The following STXBP5L variants were observed in gnomAD, a reference collection of about 807,000 sequenced individuals.
STXBP5L encodes the protein syntaxin binding protein 5L.
STXBP5L carries 65 observed loss-of-function variants against 144.5 expected under a neutral mutation model. The ratio of observed to expected loss-of-function variants is 0.45; its 90% confidence interval spans 0.37 to 0.55. The LOEUF (loss-of-function observed/expected upper bound fraction) is 0.55. Among genes scored for constraint, STXBP5L ranks in the 20% least tolerant of loss-of-function variants. The probability of loss-of-function intolerance (pLI) is 0.00; values close to 1 mark genes in which losing one functional copy is unlikely to be tolerated. For synonymous variants in STXBP5L, 505 were observed against 469.6 expected (o/e 1.08, Z -0.97); for missense variants, 1,298 against 1,405.5 (o/e 0.92, Z 1.22).
chr3:121,182,912 CA>C (rs2047218516), intron 9 of STXBP5L, among the ~76,000 whole-genome samples: 1 of 152,144 alleles, frequency 6.6e-6, no homozygotes, highest in African/African-American at 2.4e-5. Flanking sequence ...AAATCCTTAA[CA>C]AAATACTAGC....
At chr3:121,121,441 CATAA>C (rs1378643393) in intron 6 of STXBP5L, among the ~76,000 whole-genome samples, 196 bp from the exon 7 acceptor site, 2 of 151,202 alleles carry the variant, frequency 1.3e-5, no homozygotes, top group African/African-American at 4.8e-5. Flanking sequence ...TAAAGAAAAA[CATAA>C]ATAAGTAGTT....
chr3:121,252,890 A>C (rs752108135), intron 15 of STXBP5L, among the ~76,000 whole-genome samples: 4 of 152,114 alleles, frequency 2.6e-5, no homozygotes, highest in Non-Finnish European at 5.9e-5. Flanking sequence ...TTCCAAGCTT[A>C]TGTAATCGTT....
intron 2 of STXBP5L, among the ~76,000 whole-genome samples, chr3:120,928,934 T>G: frequency 6.6e-6 from 1 of 152,134 alleles, no homozygotes; most frequent in East Asian, 1.9e-4. Flanking sequence ...GATTTTGCTG[T>G]GGCAAAACCC....
intron 6 of STXBP5L, among the ~76,000 whole-genome samples, chr3:121,118,022 T>C (rs1046539351): frequency 2.0e-5 from 3 of 151,746 alleles, no homozygotes; most frequent in African/African-American, 7.2e-5. Flanking sequence ...CCACATATGA[T>C]TAAAATTTGA....
At chr3:121,114,738 A>G (rs1474735862) in intron 5 of STXBP5L, among the ~76,000 whole-genome samples, 187 bp from the exon 6 acceptor site, 1 of 152,134 alleles carries the variant, frequency 6.6e-6, no homozygotes, top group Admixed American at 6.5e-5. Context: ...GTGCTTATTA[A>G]CATTATTGTT....
At chr3:121,094,824 G>A (rs993945636) in intron 5 of STXBP5L, among the ~76,000 whole-genome samples, 1 of 151,624 alleles carries the variant, frequency 6.6e-6, no homozygotes, top group African/African-American at 2.4e-5. Context: ...TATGATGTTA[G>A]GTGGTTATTT....
intron 9 of STXBP5L, among the ~76,000 whole-genome samples, chr3:121,173,405 TTTAAA>T (rs1388485064): frequency 3.6e-4 from 55 of 151,604 alleles, no homozygotes; most frequent in African/African-American, 9.4e-4. Flanking sequence ...CTGGACAAAC[TTTAAA>T]TTAACAACTT....
Position 121,036,014 on chromosome 3 carries a change from G to A in STXBP5L, c.288-5686G>A, listed in dbSNP as rs951051847. Among the ~76,000 whole-genome samples, 6 of 152,110 alleles carry A rather than the reference G, an allele frequency of 3.9e-5. No individual in the cohort carries two copies. The East Asian group carries it at 9.7e-4, about 24-fold the overall frequency. ...TTTTCTTAATATATAATTGGTCTTT[G>A]CTAGTAGATAGAATTACAATTTATT... On this transcript the variant is annotated intron_variant, in intron 3 of 26. Transcript: ENST00000471454.
chr3:120,948,757 G>C (rs1388793614), intron 2 of STXBP5L, among the ~76,000 whole-genome samples: 2 of 151,842 alleles, frequency 1.3e-5, no homozygotes, highest in East Asian at 1.9e-4. Flanking sequence ...TGACAGAGTA[G>C]TATTTTACGG....
rs1272368617 is a variant in STXBP5L at position 121,239,105 on chromosome 3, G to A, written c.1319G>A (p.Gly440Glu). ...ATAGGAGTCAAGCATAAAAAACAAG[G>A]ATACAGTAATAAGGTAAAAGTAGAA... ...YSIGVKHKKQ[G>E]YSNKEWPISG... is the part of the protein sequence containing the mutation. Residue 440 changes from glycine to glutamate, a missense_variant, in exon 13 of 27, where the codon GGA (glycine) becomes GAA (glutamate). Physicochemically the swap from Gly to Glu is moderately conservative, Grantham distance 98. Coordinates refer to ENST00000471454, the MANE Select transcript of STXBP5L (RefSeq NM_001308330.2). 6.4e-7 allele frequency: 1 copy of A among 1,558,464 alleles called. No homozygotes were observed. Among genetic ancestry groups the A allele is most frequent in the Non-Finnish European group, 8.7e-7 (1 of 1,150,182 alleles).
chr3:121,135,559 G>A (rs2045212090), intron 7 of STXBP5L, among the ~76,000 whole-genome samples: 1 of 152,190 alleles, frequency 6.6e-6, no homozygotes, highest in African/African-American at 2.4e-5. Context: ...CTCACAAGGA[G>A]CATGCAACCT....
chr3:121,323,941 ATGT>A (rs145943191), intron 20 of STXBP5L, among the ~76,000 whole-genome samples: 2,499 of 152,198 alleles, frequency 0.016, 58 homozygotes, highest in African/African-American at 0.056. Context: ...GTCTTTCTAA[ATGT>A]TGTTTGTTTT....
intron 14 of STXBP5L, among the ~76,000 whole-genome samples, chr3:121,250,239 T>C (rs1045176040): frequency 6.6e-6 from 1 of 152,060 alleles, no homozygotes; most frequent in Non-Finnish European, 1.5e-5. Flanking sequence ...CTTCTTCTAT[T>C]TTCTCGATGA....
At chr3:121,367,509 C>T (rs1034013814) in intron 20 of STXBP5L, among the ~76,000 whole-genome samples, 1 of 149,898 alleles carries the variant, frequency 6.7e-6, no homozygotes, top group African/African-American at 2.5e-5. Flanking sequence ...CAAGGATATG[C>T]TGATTATCTT....
chr3:121,305,663 G>T (rs906332500), intron 19 of STXBP5L, among the ~76,000 whole-genome samples: 1 of 151,926 alleles, frequency 6.6e-6, no homozygotes, highest in Non-Finnish European at 1.5e-5. Context: ...AGAATAAACC[G>T]TACTAAGAAA....
chr3:121,046,776 C>T (rs187837813), intron 5 of STXBP5L, among the ~76,000 whole-genome samples: 61 of 151,770 alleles, frequency 4.0e-4, no homozygotes, highest in African/African-American at 1.4e-3. Context: ...AGCTAGTGGT[C>T]TATCATATTT....
chr3:121,131,641 A>G (rs554253306), intron 7 of STXBP5L, among the ~76,000 whole-genome samples: 1 of 152,326 alleles, frequency 6.6e-6, no homozygotes, highest in Admixed American at 6.5e-5. Context: ...GTTTCAAAAA[A>G]GAAAAAAATT....
At chr3:121,387,345 T>C (rs1051134292) in intron 22 of STXBP5L, among the ~76,000 whole-genome samples, 4 of 152,206 alleles carry the variant, frequency 2.6e-5, no homozygotes, top group African/African-American at 9.7e-5. Context: ...TTTTCTCCCA[T>C]TCTGTAGGTT....
chr3:121,405,460 A>G (rs1207528460), intron 22 of STXBP5L, among the ~76,000 whole-genome samples: 1 of 152,164 alleles, frequency 6.6e-6, no homozygotes, highest in African/African-American at 2.4e-5. Context: ...TGACTAAAAT[A>G]GAGCCTAGAG....
Sources: allele counts gnomAD v4.1 joint callset (sites outside exome capture counted in the v4.1 genomes callset), GRCh38; gene constraint gnomAD v4.1.1; transcripts MANE v1.5; gene names NCBI Gene and HGNC (gene_info 2026-07-23, HGNC 2026-07-21).